The following BAZ2B variants were observed in gnomAD, a reference collection of about 807,000 sequenced individuals.
BAZ2B encodes bromodomain adjacent to zinc finger domain protein 2B.
Under a neutral mutation model 246.0 loss-of-function variants are expected in BAZ2B, and 91 were observed. The observed-to-expected ratio is 0.37, with a 90% confidence interval of 0.31 to 0.44. The LOEUF is 0.44. BAZ2B is among the 20% of genes least tolerant of loss of function. The probability of loss-of-function intolerance (pLI) is 1.00; values close to 1 mark genes in which losing one functional copy is unlikely to be tolerated. For missense variants in BAZ2B, 2,332 were observed against 2,533.7 expected (o/e 0.92, Z 1.71); for synonymous variants, 855 against 860.0 (o/e 0.99, Z 0.10).
intron 2 of BAZ2B, among the ~76,000 whole-genome samples, chr2:159,528,034 T>C (rs967278456): frequency 3.3e-5 from 5 of 152,144 alleles, no homozygotes; most frequent in Admixed American, 2.0e-4. Flanking sequence ...GTATGGGAGA[T>C]TGAGGCATTA....
intron 2 of BAZ2B, among the ~76,000 whole-genome samples, chr2:159,537,604 C>A (rs1339562295): frequency 6.6e-6 from 1 of 152,214 alleles, no homozygotes; most frequent in Non-Finnish European, 1.5e-5. Context: ...TCTAGAGATA[C>A]ACACAACTGC....
At chr2:159,571,820 A>G (rs1394869161) in intron 1 of BAZ2B, among the ~76,000 whole-genome samples, 1 of 152,156 alleles carries the variant, frequency 6.6e-6, no homozygotes. Context: ...TAAAGAGAGG[A>G]TATCTGTCAA....
chr2:159,562,827 T>C (rs1015769831), intron 1 of BAZ2B, among the ~76,000 whole-genome samples: 1 of 152,160 alleles, frequency 6.6e-6, no homozygotes, highest in Non-Finnish European at 1.5e-5. Context: ...ATTTTGGTCC[T>C]GTCCACAAAT....
chr2:159,455,520 A>G lies in BAZ2B; in HGVS notation c.146-1719T>C, dbSNP rs146011695. Among the ~76,000 whole-genome samples the G allele has an allele frequency of 2.4e-4, 36 of 152,196 alleles. No homozygotes were observed. The East Asian group carries it at 5.4e-3, about 23-fold the overall frequency. On this transcript the variant is annotated intron_variant, in intron 3 of 36. Transcript: ENST00000392783. Reference sequence around the variant, plus strand: ...ATCTCACAGGGAAGATCCTCAAAGTATCTTTACAAGGAAGGCCCACAAGGA... The same window carrying G: ...ATCTCACAGGGAAGATCCTCAAAGTGTCTTTACAAGGAAGGCCCACAAGGA...
At chr2:159,337,494 A>G (rs557549279) in intron 32 of BAZ2B, 73 bp downstream of exon 32, 2 of 1,612,902 alleles carry the variant, frequency 1.2e-6, no homozygotes, top group Admixed American at 1.7e-5. Context: ...ATGGTGCAGG[A>G]GCAGGGACAG....
At chr2:159,378,525 AC>A (rs1256440202) in intron 25 of BAZ2B, among the ~76,000 whole-genome samples, 1 of 152,230 alleles carries the variant, frequency 6.6e-6, no homozygotes, top group East Asian at 1.9e-4. Flanking sequence ...AACCTACAGG[AC>A]AGGAGAAAAC....
the BAZ2B span, among the ~76,000 whole-genome samples, chr2:159,632,753 CAAGAA>C: frequency 6.6e-6 from 1 of 152,108 alleles, no homozygotes; most frequent in African/African-American, 2.4e-5. Flanking sequence ...GTAAATATCA[CAAGAA>C]ATGAGGAAAT....
At chr2:159,490,418 A>G (rs922406546) in intron 2 of BAZ2B, among the ~76,000 whole-genome samples, 22 of 152,190 alleles carry the variant, frequency 1.4e-4, no homozygotes, top group Admixed American at 1.4e-3. Context: ...CCTAAACCAA[A>G]TCTTAGTATT....
At chr2:159,553,679 A>T (rs1412354218) in intron 2 of BAZ2B, among the ~76,000 whole-genome samples, 1 of 152,072 alleles carries the variant, frequency 6.6e-6, no homozygotes, top group Non-Finnish European at 1.5e-5. Context: ...ACATCAAAGA[A>T]AAAAACAGCA....
chr2:159,538,700 C>A (rs748376642), intron 2 of BAZ2B, among the ~76,000 whole-genome samples: 5 of 152,186 alleles, frequency 3.3e-5, no homozygotes, highest in Non-Finnish European at 7.3e-5. Flanking sequence ...AGAGATAAAT[C>A]AATTCCTTTG....
chr2:159,356,064 T>A (rs961115278), intron 27 of BAZ2B, among the ~76,000 whole-genome samples: 2 of 152,112 alleles, frequency 1.3e-5, no homozygotes, highest in African/African-American at 4.8e-5. Context: ...TGGGTGGCCA[T>A]TTGGGCAGAC....
intron 20 of BAZ2B, among the ~76,000 whole-genome samples, chr2:159,395,196 A>C (rs933762114): frequency 6.6e-6 from 1 of 152,180 alleles, no homozygotes; most frequent in African/African-American, 2.4e-5. Flanking sequence ...TAATGACTCT[A>C]TTCAACTGTT....
intron 3 of BAZ2B, among the ~76,000 whole-genome samples, chr2:159,456,952 G>T (rs975482480): frequency 2.6e-5 from 4 of 152,042 alleles, no homozygotes; most frequent in African/African-American, 9.7e-5. Context: ...ACTATATTTT[G>T]CCTTTATAGC....
chr2:159,497,911 C>A (rs2081328369), intron 2 of BAZ2B, among the ~76,000 whole-genome samples: 1 of 152,130 alleles, frequency 6.6e-6, no homozygotes, highest in Non-Finnish European at 1.5e-5. Flanking sequence ...CAATATACTC[C>A]TTTAAATATA....
At chr2:159,477,769 T>G (rs1029764618) in intron 3 of BAZ2B, among the ~76,000 whole-genome samples, 28 of 152,366 alleles carry the variant, frequency 1.8e-4, no homozygotes, top group African/African-American at 6.3e-4. Context: ...AGAGTGATTT[T>G]GGGAGGTGCT....
chr2:159,598,861 A>C (rs529535228), intron 1 of BAZ2B, among the ~76,000 whole-genome samples: 2 of 152,134 alleles, frequency 1.3e-5, no homozygotes, highest in South Asian at 4.1e-4. Context: ...AAAATAAGTA[A>C]ATAAATAAAT....
intron 2 of BAZ2B, among the ~76,000 whole-genome samples, chr2:159,528,756 T>C (rs997702289): frequency 1.3e-5 from 2 of 151,712 alleles, no homozygotes; most frequent in Non-Finnish European, 2.9e-5. Context: ...TATTAACCTC[T>C]AGTTAACCTG....
At position 159,325,726 on chromosome 2, in the gene BAZ2B, A is replaced by T; in HGVS notation, c.6136T>A (p.Leu2046Met). The change falls in exon 35 of 37, where the codon TTG becomes ATG. Residue 2046 changes from leucine (L) to methionine (M), a missense_variant. By Grantham distance (15) the Leu-to-Met change is conservative. Around this residue, in one of 9 missense-constraint regions of BAZ2B, gnomAD observed 210 missense variants for 232.5 expected, o/e 0.90. Coordinates refer to ENST00000392783, the MANE Select transcript of BAZ2B (RefSeq NM_013450.4). ...GAAGTAAAACTTTCTTGTTTTGACA[A>T]GTTAATAGAAGTGTTTTCCTCCATT... ...RKMEENTSIN[L>M]SKQESFTSVK... is the part of the protein sequence containing the mutation. 1 of 1,597,118 alleles carries T rather than the reference A, an allele frequency of 6.3e-7. No individual in the cohort carries two copies. Among genetic ancestry groups the T allele is most frequent in the Non-Finnish European group, 8.5e-7 (1 of 1,176,208 alleles).
At chr2:159,574,764 T>C (rs79436356) in intron 1 of BAZ2B, among the ~76,000 whole-genome samples, 9,900 of 152,182 alleles carry the variant, frequency 0.065, 453 homozygotes, top group East Asian at 0.22. Flanking sequence ...GGCAGGTGGA[T>C]GACGAGGTCA....
Sources: allele counts gnomAD v4.1 joint callset (sites outside exome capture counted in the v4.1 genomes callset), GRCh38; gene constraint gnomAD v4.1.1; regional missense constraint gnomAD v4.1.1; transcripts MANE v1.5; gene names NCBI Gene and HGNC (gene_info 2026-07-23, HGNC 2026-07-21).